Variants in FRAS1 observed in about 807,000 individuals in gnomAD.
FRAS1 encodes the protein Fraser extracellular matrix complex subunit 1.
In FRAS1, 290 loss-of-function variants were observed where a neutral mutation model predicts 435.2. The ratio of observed to expected loss-of-function variants is 0.67; its 90% CI spans 0.61 to 0.73. The LOEUF (loss-of-function observed/expected upper bound fraction) is 0.73, where lower values mean the gene tolerates loss of function less well. FRAS1 is among the 30% of genes least tolerant of loss of function. FRAS1 has a pLI of 0.00. For missense variants in FRAS1, 4,860 were observed against 5,001.5 expected (o/e 0.97, Z 0.85); for synonymous variants, 1,800 against 1,851.0 (o/e 0.97, Z 0.71).
At chr4:78,516,491 T>C (rs1246165113) in intron 66 of FRAS1, among the ~76,000 whole-genome samples, 1 of 152,232 alleles carries the variant, frequency 6.6e-6, no homozygotes, top group African/African-American at 2.4e-5. Flanking sequence ...TTCACACCTG[T>C]TCCAAACTGC....
chr4:78,368,559 T>A (rs1305500829), intron 22 of FRAS1, among the ~76,000 whole-genome samples: 1 of 152,188 alleles, frequency 6.6e-6, no homozygotes, highest in Non-Finnish European at 1.5e-5. Context: ...ATATGACAGA[T>A]AACCAGCTAG....
Position 78,488,912 on chromosome 4 carries a change from G to A in FRAS1, c.8790G>A (p.Val2930=). 1 of 1,613,200 alleles carries A rather than the reference G, an allele frequency of 6.2e-7. No individual in the cohort carries two copies. The highest frequency in any genetic ancestry group is 1.3e-5 in the African/African-American group (1 of 75,018). Reference sequence around the variant, plus strand: ...AGTTTGCCAAGGATTTGCTCCTAGTGAAGGAGAAGGAGGGTGTCCTGCATG... The same window carrying A: ...AGTTTGCCAAGGATTTGCTCCTAGTAAAGGAGAAGGAGGGTGTCCTGCATG... The part of the protein sequence containing the change: ...SMQFAKDLLL[V]KEKEGVLHVP... The change falls in exon 59 of 74, where the codon GTG becomes GTA. Residue 2930 remains valine, a synonymous_variant. Transcript: ENST00000512123.
At chr4:78,136,983 C>T (rs1015593740) in intron 2 of FRAS1, among the ~76,000 whole-genome samples, 10 of 152,156 alleles carry the variant, frequency 6.6e-5, no homozygotes, top group African/African-American at 2.2e-4. Flanking sequence ...GAGTGGGCAC[C>T]AGCACACACA....
At chr4:78,186,381 A>G (rs1375576574) in intron 2 of FRAS1, among the ~76,000 whole-genome samples, 1 of 152,168 alleles carries the variant, frequency 6.6e-6, no homozygotes, top group Non-Finnish European at 1.5e-5. Flanking sequence ...TATATTTAAT[A>G]GCATATTTTG....
rs1193450999 is a variant in FRAS1 at position 78,372,763 on chromosome 4, ACTGCCT to A, written c.2916_2921del (p.Asp972_Leu974delinsGlu). ...GCATGCAGTGGGCCCCTGAAAACAG[ACTGCCT>A]GCAGTGCATGGATGGCTATGTTCTC... On this transcript the variant is annotated inframe_deletion, in exon 24 of 74. Coordinates refer to ENST00000512123, the MANE Select transcript of FRAS1 (RefSeq NM_025074.7). 6.2e-7 allele frequency: 1 copy of A among 1,612,954 alleles called. No homozygotes were observed. The highest frequency in any genetic ancestry group is 1.3e-5 in the African/African-American group (1 of 74,882).
At chr4:78,280,095 G>A (rs1376008881) in intron 10 of FRAS1, among the ~76,000 whole-genome samples, 1 of 152,154 alleles carries the variant, frequency 6.6e-6, no homozygotes, top group Non-Finnish European at 1.5e-5. Flanking sequence ...TCTCACCTTA[G>A]ACCTTAACAA....
At chr4:78,060,595 A>G (rs1739716338) in intron 1 of FRAS1, among the ~76,000 whole-genome samples, 3 of 152,224 alleles carry the variant, frequency 2.0e-5, no homozygotes, top group African/African-American at 7.2e-5. Flanking sequence ...AAAATTGGTC[A>G]GATGAACAGT....
At chr4:78,387,248 C>A (rs1049789861) in intron 28 of FRAS1, 127 bp from the exon 29 acceptor site, 1 of 671,616 alleles carries the variant, frequency 1.5e-6, no homozygotes, top group Non-Finnish European at 2.5e-6. Flanking sequence ...CACCATAGAA[C>A]AGTTTGGTGC....
chr4:78,282,949 T>C lies in FRAS1; in HGVS notation c.1237T>C (p.Cys413Arg), dbSNP rs768539893. Residue 413 changes from cysteine to arginine, a missense_variant, in exon 12 of 74, where the codon TGT becomes CGT. Cys to Arg is a radical substitution (Grantham distance 180). Coordinates refer to ENST00000512123, the MANE Select transcript of FRAS1 (RefSeq NM_025074.7). ...TLALEVKGQC[C>R]PDCTSVHCHP... ...GGCCTTAGAGGTGAAGGGACAGTGC[T>C]GTCCAGACTGCACATCAGGTGGGTC... is the stretch of plus-strand genomic sequence containing the variant. 2.5e-5 allele frequency: 39 copies of C among 1,563,002 alleles called. No homozygotes were observed. Among genetic ancestry groups the C allele is most frequent in the Non-Finnish European group, 3.4e-5 (39 of 1,158,194 alleles).
chr4:78,258,139 G>C (rs1002627313), intron 6 of FRAS1, among the ~76,000 whole-genome samples: 1 of 151,944 alleles, frequency 6.6e-6, no homozygotes, highest in Non-Finnish European at 1.5e-5. Flanking sequence ...CCAGGAGTTC[G>C]AGACCATCCT....
Position 78,061,602 on chromosome 4 carries a change from G to C in FRAS1, c.76+3517G>C, listed in dbSNP as rs992244232. ...TGATAGACAATATGTTTTATTTATG[G>C]GTGAGTTAGGGTAGTTGCACTCTGG... is the stretch of plus-strand genomic sequence containing the variant. On this transcript the variant is annotated intron_variant, in intron 1 of 73. Coordinates refer to ENST00000512123, the MANE Select transcript of FRAS1 (RefSeq NM_025074.7). Among the ~76,000 whole-genome samples the C allele has an allele frequency of 2.6e-5, 4 of 152,300 alleles. 1 individual carries two copies. The highest frequency in any genetic ancestry group is 9.6e-5 in the African/African-American group (4 of 41,562).
chr4:78,497,890 CA>C (rs1424605377), intron 60 of FRAS1, among the ~76,000 whole-genome samples: 1 of 152,166 alleles, frequency 6.6e-6, no homozygotes, highest in Non-Finnish European at 1.5e-5. Flanking sequence ...CCAGGAGACT[CA>C]AGTTCAGATC....
chr4:78,366,389 G>T (rs563533136), intron 22 of FRAS1, among the ~76,000 whole-genome samples: 98 of 152,188 alleles, frequency 6.4e-4, no homozygotes, highest in Non-Finnish European at 1.0e-3. Context: ...CACTGCTGGG[G>T]AGCTAGAGTA....
chr4:78,266,152 G>T (rs1726343021), intron 7 of FRAS1, among the ~76,000 whole-genome samples: 1 of 152,208 alleles, frequency 6.6e-6, no homozygotes, highest in Non-Finnish European at 1.5e-5. Flanking sequence ...TGGGGCAGCT[G>T]CAGGGTTTCT....
At chr4:78,518,418 T>TTG (rs1054917840) in intron 66 of FRAS1, among the ~76,000 whole-genome samples, 150 of 83,766 alleles carry the variant, frequency 1.8e-3, no homozygotes, top group African/African-American at 6.6e-3. Flanking sequence ...AGTTTTTTTG[T>TTG]TGTGTATATA....
At chr4:78,340,359 T>TA (rs1730348935) in intron 20 of FRAS1, among the ~76,000 whole-genome samples, 1 of 152,254 alleles carries the variant, frequency 6.6e-6, no homozygotes, top group Admixed American at 6.5e-5. Context: ...GTATTTATTA[T>TA]AAAAAAGTTT....
In FRAS1 at chr4:78,508,876, G is replaced by A. The variant is rs778990040; in HGVS notation, c.9650G>A (p.Ser3217Asn). ...TACGCTGTCATGAAGGAGCGCTGCAGTGAGGCCGGCATCAACCAGACATCT... is the reference window on the plus strand; with the variant it reads ...TACGCTGTCATGAAGGAGCGCTGCAATGAGGCCGGCATCAACCAGACATCT... ...PRYAVMKERC[S>N]EAGINQTSVQ... The change falls in exon 63 of 74, where the codon AGT becomes AAT. Residue 3217 changes from serine to asparagine, a missense_variant. By Grantham distance (46) the Ser-to-Asn change is conservative (BLOSUM62 1). Transcript: ENST00000512123. 4.9e-5 allele frequency: 79 copies of A among 1,613,804 alleles called. No homozygotes were observed. The highest frequency in any genetic ancestry group is 6.4e-5 in the Non-Finnish European group (76 of 1,179,878).
In FRAS1 at chr4:78,519,313, A is replaced by G; in HGVS notation, c.10390-18A>G. 1 of 1,510,640 alleles carries G rather than the reference A, an allele frequency of 6.6e-7. No individual in the cohort carries two copies. Among genetic ancestry groups the G allele is most frequent in the East Asian group, 2.5e-5 (1 of 40,650 alleles). The allele number at this position is 1,510,640 out of a possible 1,614,324, so 93.6% of individuals were successfully genotyped here. On this transcript the variant is annotated intron_variant, in intron 66 of 73. Coordinates refer to ENST00000512123, the MANE Select transcript of FRAS1 (RefSeq NM_025074.7). ...CCAGGGGAGAAATAACTCTGTGTGC[A>G]TACTGCTTCCTCGGCAGGTGAGGGA...
intron 2 of FRAS1, among the ~76,000 whole-genome samples, chr4:78,089,407 T>C (rs1287633499): frequency 1.3e-5 from 2 of 152,084 alleles, no homozygotes; most frequent in African/African-American, 4.8e-5. Flanking sequence ...TGTGCACATG[T>C]ACCCTAACAC....
Sources: allele counts gnomAD v4.1 joint callset (sites outside exome capture counted in the v4.1 genomes callset), GRCh38; gene constraint gnomAD v4.1.1; transcripts MANE v1.5; gene names NCBI Gene and HGNC (gene_info 2026-07-23, HGNC 2026-07-21).